The following STK3 variants were observed in gnomAD, a reference collection of about 807,000 sequenced individuals.
STK3 encodes the protein serine/threonine-protein kinase 3.
In STK3, 41 loss-of-function variants were observed where a neutral mutation model predicts 58.0. The ratio of observed to expected loss-of-function variants is 0.71; its 90% CI spans 0.55 to 0.92. The LOEUF (loss-of-function observed/expected upper bound fraction) is 0.92, where lower values mean the gene tolerates loss of function less well. STK3 is among the 40% of genes least tolerant of loss of function. The pLI is 0.00. For missense variants in STK3, 479 were observed against 602.7 expected, an observed-to-expected ratio of 0.79 and a Z score of 2.15; for synonymous variants, 170 against 191.0, an observed-to-expected ratio of 0.89 and a Z score of 0.91.
In STK3 at chr8:98,838,074, C is replaced by CAAAAAAAAAA. The variant is rs58973724; in HGVS notation, c.110+45563_110+45572dup. 2.6e-3 allele frequency among the ~76,000 whole-genome samples: 152 copies of CAAAAAAAAAA among 57,854 alleles called. 1 individual carries two copies. The highest frequency in any genetic ancestry group is 0.017 in the Middle Eastern group (2 of 118). The allele number at this position is 57,854 out of a possible 152,430, so 38.0% of individuals were successfully genotyped here. On this transcript the variant is annotated intron_variant, in intron 3 of 12. Transcript: ENST00000523601. ...TGAAACCGTGTCTCTACTAAAAATACAAAAAAAAAAAAAAAAAAAAAAGTC... is the reference window on the plus strand; with the variant it reads ...TGAAACCGTGTCTCTACTAAAAATACAAAAAAAAAAAAAAAAAAAAAAAAAAAAAAAAGTC...
rs560768212 is a variant in STK3 at position 98,740,825 on chromosome 8, T to G, written c.351+8451A>C. On this transcript the variant is annotated intron_variant, in intron 4 of 10. Coordinates refer to ENST00000419617, the MANE Select transcript of STK3 (RefSeq NM_006281.4). ...AAATTGGATAAAGAGTCAAGACCCA[T>G]CAGTGTGCTGTATTCAGGAAACCCA... is the stretch of plus-strand genomic sequence containing the variant. 5.9e-5 allele frequency among the ~76,000 whole-genome samples: 9 copies of G among 152,190 alleles called. No individual in the cohort carries two copies. In the East Asian group the frequency reaches 1.7e-3, roughly 29 times the overall value.
chr8:98,864,197 CAAAAAAAAAA>C (rs35196007), intron 3 of STK3, among the ~76,000 whole-genome samples: 39 of 37,454 alleles, frequency 1.0e-3, no homozygotes, highest in African/African-American at 4.5e-3. Context: ...GACTCCTTCT[CAAAAAAAAAA>C]AAAAAAAAAA....
At chr8:98,788,709 G>A (rs927051122) in intron 1 of STK3, among the ~76,000 whole-genome samples, 1 of 151,996 alleles carries the variant, frequency 6.6e-6, no homozygotes, top group Non-Finnish European at 1.5e-5. Context: ...TGTCCAACAG[G>A]AAAATATCAC....
At chr8:98,929,467 G>C (rs573900943) in intron 1 of STK3, among the ~76,000 whole-genome samples, 1 of 152,138 alleles carries the variant, frequency 6.6e-6, no homozygotes, top group African/African-American at 2.4e-5. Context: ...GACTAGCCTA[G>C]GGAACGTGGC....
intron 10 of STK3, among the ~76,000 whole-genome samples, chr8:98,494,647 C>T (rs147389488): frequency 0.011 from 1,394 of 126,762 alleles, 12 homozygotes; most frequent in Non-Finnish European, 0.017. Flanking sequence ...AGAGTGAGAC[C>T]CTGTCTCAAA....
intron 6 of STK3, among the ~76,000 whole-genome samples, chr8:98,628,819 CAAAAAAAAAAA>C (rs10571679): frequency 7.8e-5 from 5 of 64,156 alleles, no homozygotes; most frequent in Non-Finnish European, 1.4e-4. Flanking sequence ...CTCCACACTC[CAAAAAAAAAAA>C]AAAAAAAAAA....
chr8:98,525,951 T>A (rs1355993044), intron 10 of STK3, among the ~76,000 whole-genome samples: 1 of 151,774 alleles, frequency 6.6e-6, no homozygotes, highest in Admixed American at 6.6e-5. Flanking sequence ...TATTAATAAA[T>A]AAAACTATAA....
chr8:98,434,135 G>A (rs1269515970), exon 3 of STK3: 4 of 152,296 alleles, frequency 2.6e-5, no homozygotes, highest in African/African-American at 9.6e-5. Flanking sequence ...ACACTGAGCA[G>A]TGGTGGCATC....
intron 6 of STK3, among the ~76,000 whole-genome samples, chr8:98,645,099 T>C (rs1032340045): frequency 6.6e-6 from 1 of 152,160 alleles, no homozygotes; most frequent in African/African-American, 2.4e-5. Flanking sequence ...TACCAAAGAT[T>C]TGGGAGTTCA....
At chr8:98,652,898 C>T (rs954893641) in intron 6 of STK3, among the ~76,000 whole-genome samples, 1 of 152,110 alleles carries the variant, frequency 6.6e-6, no homozygotes, top group African/African-American at 2.4e-5. Context: ...CTTTAACACT[C>T]CACTGTCAAC....
At chr8:98,865,227 A>G (rs1449294291) in intron 3 of STK3, among the ~76,000 whole-genome samples, 3 of 152,166 alleles carry the variant, frequency 2.0e-5, no homozygotes, top group Non-Finnish European at 4.4e-5. Flanking sequence ...CTGTCTCTAC[A>G]AAAACTTTCT....
intron 10 of STK3, among the ~76,000 whole-genome samples, chr8:98,500,972 G>A (rs1184944892): frequency 2.0e-5 from 3 of 152,146 alleles, no homozygotes; most frequent in Non-Finnish European, 2.9e-5. Flanking sequence ...CTAGATCCTT[G>A]AGGAATCGCC....
chr8:98,386,717 C>T (rs928391372), intron 1 of STK3, among the ~76,000 whole-genome samples: 6 of 152,144 alleles, frequency 3.9e-5, no homozygotes, highest in South Asian at 2.1e-4. Context: ...TGGTGGCTTA[C>T]GTCTGTAATC....
chr8:98,410,824 G>C (rs139967059), intron 3 of STK3, among the ~76,000 whole-genome samples: 2 of 152,312 alleles, frequency 1.3e-5, no homozygotes, highest in African/African-American at 4.8e-5. Context: ...CTAACAGAGA[G>C]AAGAAAGGGG....
intron 1 of STK3, among the ~76,000 whole-genome samples, chr8:98,384,273 C>T (rs1408847385): frequency 2.0e-5 from 3 of 152,156 alleles, no homozygotes; most frequent in Non-Finnish European, 4.4e-5. Context: ...AGGGGTGTAA[C>T]CAAATTCTTT....
intron 1 of STK3, among the ~76,000 whole-genome samples, chr8:98,922,496 C>T (rs2132012489): frequency 6.6e-6 from 1 of 152,326 alleles, no homozygotes; most frequent in African/African-American, 2.4e-5. Flanking sequence ...CTTACTTCCA[C>T]ATTAGATACA....
At chr8:98,587,027 G>A (rs1169576751) in intron 7 of STK3, among the ~76,000 whole-genome samples, 111 of 135,000 alleles carry the variant, frequency 8.2e-4, no homozygotes, top group African/African-American at 1.5e-3. Context: ...TATCAATTTT[G>A]TTGATCCTTT....
chr8:98,932,484 G>A (rs909422811), intron 1 of STK3, among the ~76,000 whole-genome samples: 5 of 152,142 alleles, frequency 3.3e-5, no homozygotes, highest in Non-Finnish European at 7.3e-5. Context: ...ATAAACACTC[G>A]ACTTTCAAAA....
chr8:98,363,608 A>AAAAAAGG, the STK3 span, among the ~76,000 whole-genome samples: 1 of 152,378 alleles, frequency 6.6e-6, no homozygotes, highest in Non-Finnish European at 1.5e-5. Flanking sequence ...AAGAAAAAAG[A>AAAAAAGG]AAAAAGCCAA....
Sources: allele counts gnomAD v4.1 joint callset (sites outside exome capture counted in the v4.1 genomes callset), GRCh38; gene constraint gnomAD v4.1.1; transcripts MANE v1.5; gene names NCBI Gene and HGNC (gene_info 2026-07-23, HGNC 2026-07-21).